RAB11FIP4: variants seen among roughly 807,000 people sequenced by gnomAD.
RAB11FIP4 encodes RAB11 family interacting protein 4.
Under a neutral mutation model 74.3 loss-of-function variants are expected in RAB11FIP4, and 23 were observed. The observed-to-expected ratio is 0.31, with a 90% CI of 0.22 to 0.44. The LOEUF (loss-of-function observed/expected upper bound fraction) is 0.44, where lower values mean the gene tolerates loss of function less well. RAB11FIP4 is among the 20% of genes least tolerant of loss of function. RAB11FIP4 has a pLI of 1.00. For synonymous variants in RAB11FIP4, 360 were observed against 359.9 expected, an observed-to-expected ratio of 1.00 and a Z score of 0.00; for missense variants, 630 against 863.9, an observed-to-expected ratio of 0.73 and a Z score of 3.39.
chr17:31,426,113 T>C (rs974791206), intron 1 of RAB11FIP4, among the ~76,000 whole-genome samples: 8 of 152,164 alleles, frequency 5.3e-5, no homozygotes, highest in Admixed American at 2.0e-4. Context: ...TGAGTAAAGC[T>C]TCTTTGATGC....
intron 3 of RAB11FIP4, among the ~76,000 whole-genome samples, chr17:31,480,352 A>C (rs368592483): frequency 1.3e-5 from 2 of 152,236 alleles, no homozygotes; most frequent in South Asian, 4.2e-4. Context: ...AGAGGCAAGC[A>C]GGGAGGCAGC....
chr17:31,407,507 A>G (rs1017701665), intron 1 of RAB11FIP4, among the ~76,000 whole-genome samples: 21 of 152,224 alleles, frequency 1.4e-4, no homozygotes, highest in African/African-American at 5.1e-4. Flanking sequence ...CAGTGCCATG[A>G]TCACCCAGGG....
At chr17:31,429,426 C>A (rs116278309) in intron 1 of RAB11FIP4, among the ~76,000 whole-genome samples, 2,069 of 152,312 alleles carry the variant, frequency 0.014, 57 homozygotes, top group African/African-American at 0.048. Flanking sequence ...TTCTCAGCTG[C>A]GAGTGCCCTG....
At chr17:31,444,917 G>A (rs1448615701) in intron 3 of RAB11FIP4, among the ~76,000 whole-genome samples, 2 of 152,080 alleles carry the variant, frequency 1.3e-5, no homozygotes, top group Non-Finnish European at 2.9e-5. Context: ...AATGAGTCTA[G>A]TGCAGTGCAT....
intron 3 of RAB11FIP4, among the ~76,000 whole-genome samples, chr17:31,458,908 CCTG>C (rs2071606885): frequency 6.6e-6 from 1 of 152,182 alleles, no homozygotes; most frequent in Non-Finnish European, 1.5e-5. Context: ...GAGCTGAAGA[CCTG>C]TGGCTACATG....
Position 31,521,159 on chromosome 17 carries a change from C to A in RAB11FIP4, c.564-7C>A. 6.4e-7 allele frequency: 1 copy of A among 1,554,574 alleles called. No individual in the cohort carries two copies. The highest frequency in any genetic ancestry group is 1.2e-5 in the South Asian group (1 of 83,682). On this transcript the variant is annotated splice_polypyrimidine_tract_variant and splice_region_variant and intron_variant, in intron 4 of 14. Coordinates refer to ENST00000621161, the MANE Select transcript of RAB11FIP4 (RefSeq NM_032932.6). ...CTCCTCTGACTTGGGTGCTCTCGGACCCTCAGGTCCCTGGTCCACACTCCA... is the reference window on the plus strand; with the variant it reads ...CTCCTCTGACTTGGGTGCTCTCGGAACCTCAGGTCCCTGGTCCACACTCCA...
At chr17:31,409,132 AG>A (rs113395569) in intron 1 of RAB11FIP4, among the ~76,000 whole-genome samples, 8 of 152,148 alleles carry the variant, frequency 5.3e-5, no homozygotes, top group African/African-American at 1.9e-4. Context: ...AGTAGGGATA[AG>A]GGTTGGTAAG....
intron 3 of RAB11FIP4, chr17:31,488,398 C>A: frequency 9.8e-7 from 1 of 1,024,656 alleles, no homozygotes; most frequent in Non-Finnish European, 1.2e-6. Context: ...TTACCTGAGC[C>A]ATCTCGTTCG....
At chr17:31,392,055 A>AGG in intron 1 of RAB11FIP4, 44 bp downstream of exon 1, 1 of 1,088,388 alleles carries the variant, frequency 9.2e-7, no homozygotes, top group African/African-American at 2.0e-5. Flanking sequence ...ACCCCAGCCC[A>AGG]GCCCCGCCGC....
intron 1 of RAB11FIP4, among the ~76,000 whole-genome samples, chr17:31,396,233 T>A (rs2070929736): frequency 6.6e-6 from 1 of 150,992 alleles, no homozygotes. Context: ...AAATGCAGAT[T>A]TTTGAGGGAT....
At chr17:31,457,159 C>A (rs116573117) in intron 3 of RAB11FIP4, among the ~76,000 whole-genome samples, 2,013 of 152,236 alleles carry the variant, frequency 0.013, 31 homozygotes, top group African/African-American at 0.046. Flanking sequence ...GTTTAGTTAA[C>A]AAGCATCGTG....
intron 3 of RAB11FIP4, among the ~76,000 whole-genome samples, chr17:31,474,168 T>C (rs907593880): frequency 6.6e-6 from 1 of 152,144 alleles, no homozygotes; most frequent in African/African-American, 2.4e-5. Context: ...CATTCCCCAG[T>C]CAACTTCCTC....
chr17:31,411,853 G>A (rs1022887099), intron 1 of RAB11FIP4, among the ~76,000 whole-genome samples: 2 of 152,242 alleles, frequency 1.3e-5, no homozygotes, highest in African/African-American at 4.8e-5. Flanking sequence ...GCGTCCTTCC[G>A]AGGAGAAGGT....
At chr17:31,409,756 G>A (rs2071076100) in intron 1 of RAB11FIP4, among the ~76,000 whole-genome samples, 1 of 152,182 alleles carries the variant, frequency 6.6e-6, no homozygotes, top group Non-Finnish European at 1.5e-5. Flanking sequence ...TGGGTTTATA[G>A]TGTGTAACAG....
chr17:31,504,307 A>G (rs1294587798), intron 3 of RAB11FIP4, among the ~76,000 whole-genome samples: 3 of 151,298 alleles, frequency 2.0e-5, no homozygotes, highest in Admixed American at 6.6e-5. Flanking sequence ...ATTTTTTTGT[A>G]TTTTTAGTAG....
At position 31,530,370 on chromosome 17, in the gene RAB11FIP4, G is replaced by T. The variant is rs2142834033; in HGVS notation, c.1698G>T (p.Gln566His). ...ATCAGAACGACGACTTGAATGGGCA[G>T]ATTTTGAGCCTCAGCCTCTACGAAG... ...LRDQNDDLNG[Q>H]ILSLSLYEAK... The change falls in exon 14 of 15, where the codon CAG becomes CAT. Residue 566 changes from glutamine to histidine, a missense_variant. Transcript: ENST00000621161. 6.2e-7 allele frequency: 1 copy of T among 1,614,200 alleles called. No individual in the cohort carries two copies. The highest frequency in any genetic ancestry group is 1.6e-4 in the Middle Eastern group (1 of 6,062).
intron 3 of RAB11FIP4, among the ~76,000 whole-genome samples, chr17:31,484,607 A>T (rs1164056551): frequency 6.6e-6 from 1 of 151,892 alleles, no homozygotes; most frequent in Non-Finnish European, 1.5e-5. Flanking sequence ...CACCCATCAG[A>T]TACAGTCACC....
At chr17:31,493,474 A>G (rs913859612) in intron 3 of RAB11FIP4, among the ~76,000 whole-genome samples, 1 of 151,354 alleles carries the variant, frequency 6.6e-6, no homozygotes, top group African/African-American at 2.4e-5. Context: ...TGCTCCGGTG[A>G]ACTTGGGGTA....
intron 3 of RAB11FIP4, among the ~76,000 whole-genome samples, chr17:31,467,484 G>A (rs1381316658): frequency 6.6e-6 from 1 of 152,098 alleles, no homozygotes; most frequent in Non-Finnish European, 1.5e-5. Context: ...TCTTCATCCT[G>A]CCCTCAGTCT....
Sources: gnomAD v4.1 joint callset for allele counts (sites outside exome capture counted in the v4.1 genomes callset) on GRCh38, gnomAD v4.1.1 for gene constraint, MANE v1.5 for transcripts, NCBI Gene and HGNC (gene_info 2026-07-23, HGNC 2026-07-21) for gene names.